SMYD3: variants seen among roughly 807,000 people sequenced by gnomAD.
The protein encoded by SMYD3 is histone-lysine N-methyltransferase SMYD3.
In SMYD3, 36 loss-of-function variants were observed where a neutral mutation model predicts 57.7. The ratio of observed to expected loss-of-function variants is 0.62; its 90% confidence interval spans 0.48 to 0.82. The LOEUF is 0.82. Ranked by LOEUF, SMYD3 falls within the 40% of genes least tolerant of loss-of-function variation. SMYD3 has a pLI of 0.00. For missense variants in SMYD3, 515 were observed against 538.8 expected (o/e 0.96, Z 0.44); for synonymous variants, 211 against 195.0 (o/e 1.08, Z -0.68).
chr1:246,356,474 G>A (rs547311972), intron 1 of SMYD3, among the ~76,000 whole-genome samples: 8 of 152,254 alleles, frequency 5.3e-5, no homozygotes, highest in African/African-American at 1.9e-4. Context: ...AAAGAATTCA[G>A]AAGGTTAATT....
chr1:246,131,424 C>T (rs1235448791), intron 5 of SMYD3, among the ~76,000 whole-genome samples: 1 of 152,186 alleles, frequency 6.6e-6, no homozygotes, highest in African/African-American at 2.4e-5. Flanking sequence ...AAAGACAGGA[C>T]TTTGAGTGCC....
intron 5 of SMYD3, among the ~76,000 whole-genome samples, chr1:246,297,679 A>G (rs1194609522): frequency 6.6e-6 from 1 of 152,130 alleles, no homozygotes; most frequent in Non-Finnish European, 1.5e-5. Context: ...TGATGCATCA[A>G]ATGTCAAATA....
intron 5 of SMYD3, among the ~76,000 whole-genome samples, chr1:246,237,510 G>T (rs2063531541): frequency 6.6e-6 from 1 of 152,048 alleles, no homozygotes; most frequent in African/African-American, 2.4e-5. Context: ...CTTCAGACTG[G>T]ATTTTAGTCC....
intron 8 of SMYD3, among the ~76,000 whole-genome samples, chr1:245,893,991 A>T (rs1558466443): frequency 6.6e-6 from 1 of 152,192 alleles, no homozygotes; most frequent in Non-Finnish European, 1.5e-5. Flanking sequence ...AGTAACCCTA[A>T]CTTTGATATG....
At chr1:246,300,731 G>A (rs1000184653) in intron 5 of SMYD3, among the ~76,000 whole-genome samples, 5 of 152,104 alleles carry the variant, frequency 3.3e-5, no homozygotes, top group South Asian at 2.1e-4. Context: ...ATAATAGTAC[G>A]TACCCCCATA....
intron 1 of SMYD3, among the ~76,000 whole-genome samples, chr1:246,480,817 C>T (rs529996602): frequency 6.6e-6 from 1 of 151,690 alleles, no homozygotes; most frequent in Non-Finnish European, 1.5e-5. Context: ...TTTTTTGAGA[C>T]AGAGTCTTGC....
intron 10 of SMYD3, among the ~76,000 whole-genome samples, chr1:245,844,290 G>A (rs947910192): frequency 2.6e-5 from 4 of 152,156 alleles, no homozygotes; most frequent in African/African-American, 9.7e-5. Context: ...AAACTGTCTA[G>A]ACGGGGTGAT....
At chr1:246,241,166 T>G (rs952151413) in intron 5 of SMYD3, among the ~76,000 whole-genome samples, 5 of 152,196 alleles carry the variant, frequency 3.3e-5, no homozygotes, top group African/African-American at 1.2e-4. Flanking sequence ...CCCTGTCTTG[T>G]GCCAGTTTTC....
At chr1:245,989,093 T>TA (rs1211097091) in intron 5 of SMYD3, among the ~76,000 whole-genome samples, 1 of 152,246 alleles carries the variant, frequency 6.6e-6, no homozygotes, top group African/African-American at 2.4e-5. Context: ...TGTAACCACT[T>TA]AGATCATTTC....
chr1:245,768,414 A>G (rs2046204729), intron 10 of SMYD3, among the ~76,000 whole-genome samples: 2 of 152,222 alleles, frequency 1.3e-5, no homozygotes, highest in Admixed American at 6.5e-5. Flanking sequence ...ATGGAGAAGA[A>G]ATATCTGATG....
intron 10 of SMYD3, among the ~76,000 whole-genome samples, chr1:245,815,347 A>G (rs1215329759): frequency 6.6e-6 from 1 of 152,232 alleles, no homozygotes; most frequent in East Asian, 1.9e-4. Flanking sequence ...GCACACAGAC[A>G]TGACCCTACC....
chr1:246,448,682 G>C (rs2067583366), intron 1 of SMYD3, among the ~76,000 whole-genome samples: 1 of 107,956 alleles, frequency 9.3e-6, no homozygotes, highest in Non-Finnish European at 1.7e-5. Context: ...GGGGAACACA[G>C]CAAGATCTCA....
intron 5 of SMYD3, among the ~76,000 whole-genome samples, chr1:246,022,117 G>A (rs1309633963): frequency 6.6e-6 from 1 of 152,146 alleles, no homozygotes; most frequent in African/African-American, 2.4e-5. Context: ...ACGAGAGAAC[G>A]CAAATTCATG....
At position 246,351,316 on chromosome 1, in the gene SMYD3, T is replaced by C. The variant is rs138003352; in HGVS notation, c.228+3715A>G. On this transcript the variant is annotated intron_variant, in intron 2 of 11. Coordinates refer to ENST00000490107, the MANE Select transcript of SMYD3 (RefSeq NM_001167740.2). ...CATTCAACTAGAAATGTATATATTA[T>C]CAATCATATTAAATCCTCAAAAGGT... is the stretch of plus-strand genomic sequence containing the variant. Among the ~76,000 whole-genome samples, 53 of 152,370 alleles carry C rather than the reference T, an allele frequency of 3.5e-4. 1 individual carries two copies. In the East Asian group the frequency reaches 8.1e-3, roughly 23 times the overall value.
intron 11 of SMYD3, 145 bp downstream of exon 11, chr1:245,763,896 T>G: frequency 1.7e-6 from 1 of 585,824 alleles, no homozygotes. Flanking sequence ...TCCAGAGTGG[T>G]TGTTAAACAT....
At chr1:245,883,848 CTG>C (rs1236955359) in intron 8 of SMYD3, among the ~76,000 whole-genome samples, 1 of 152,156 alleles carries the variant, frequency 6.6e-6, no homozygotes, top group Non-Finnish European at 1.5e-5. Context: ...TTAGTAAATG[CTG>C]GTTGTCGTGG....
chr1:246,183,541 A>G lies in SMYD3; in HGVS notation c.531+143660T>C, dbSNP rs141975536. Among the ~76,000 whole-genome samples the G allele has an allele frequency of 1.7e-3, 259 of 152,224 alleles. 3 individuals carry two copies. The highest frequency in any genetic ancestry group is 5.9e-3 in the African/African-American group (246 of 41,524). On this transcript the variant is annotated intron_variant, in intron 5 of 11. Coordinates refer to ENST00000490107, the MANE Select transcript of SMYD3 (RefSeq NM_001167740.2). ...GAATTCCATTTCCTACAAGATAAAG[A>G]AAGATAAATAAAAATCCTGACTAGC... is the stretch of plus-strand genomic sequence containing the variant.
chr1:245,942,316 C>G (rs552079447), intron 5 of SMYD3, among the ~76,000 whole-genome samples: 1 of 152,266 alleles, frequency 6.6e-6, no homozygotes, highest in South Asian at 2.1e-4. Flanking sequence ...AGAAAAAAAG[C>G]AGGCATTGCA....
intron 11 of SMYD3, among the ~76,000 whole-genome samples, chr1:245,756,921 G>A (rs934308316): frequency 4.6e-5 from 7 of 151,286 alleles, no homozygotes; most frequent in Non-Finnish European, 7.4e-5. Flanking sequence ...GGTTTATGTC[G>A]CCTGCCAAAT....
Sources: gnomAD v4.1 joint callset for allele counts (sites outside exome capture counted in the v4.1 genomes callset) on GRCh38, gnomAD v4.1.1 for gene constraint, MANE v1.5 for transcripts, NCBI Gene and HGNC (gene_info 2026-07-23, HGNC 2026-07-21) for gene names.